DLGAP1: variants seen among roughly 807,000 people sequenced by gnomAD.
The protein encoded by DLGAP1 is DLG associated protein 1, also known as disks large-associated protein 1.
DLGAP1 carries 11 observed loss-of-function variants against 90.8 expected under a neutral mutation model. The observed-to-expected ratio is 0.12, with a 90% confidence interval of 0.08 to 0.20. The LOEUF (loss-of-function observed/expected upper bound fraction) is 0.20. Among genes scored for constraint, DLGAP1 ranks in the 10% least tolerant of loss-of-function variants. The probability of loss-of-function intolerance (pLI) is 1.00; values close to 1 mark genes in which losing one functional copy is unlikely to be tolerated. For missense variants in DLGAP1, 1,050 were observed against 1,333.8 expected, an observed-to-expected ratio of 0.79 and a Z score of 3.31; for synonymous variants, 558 against 540.7, an observed-to-expected ratio of 1.03 and a Z score of -0.44.
At chr18:3,502,733 A>G (rs1220517264) in intron 11 of DLGAP1, 88 bp from the exon 12 acceptor site, 5 of 1,447,532 alleles carry the variant, frequency 3.5e-6, no homozygotes, top group Admixed American at 4.6e-5. Flanking sequence ...TATTTCAAAC[A>G]ACATAAGGAG....
rs371204865 is a variant in DLGAP1 at position 3,508,671 on chromosome 18, G to A, written c.2480-10C>T. 6.2e-7 allele frequency: 1 copy of A among 1,605,676 alleles called. No homozygotes were observed. Among genetic ancestry groups the A allele is most frequent in the African/African-American group, 1.3e-5 (1 of 74,666 alleles). On this transcript the variant is annotated splice_polypyrimidine_tract_variant and intron_variant, in intron 10 of 12. Transcript: ENST00000315677. ...CGGATTTTTCCTAGAACTGGAAAGA[G>A]CAAACATACGAGAAATTTACACATC...
chr18:3,833,384 C>A (rs934171957), intron 4 of DLGAP1, among the ~76,000 whole-genome samples: 2 of 151,974 alleles, frequency 1.3e-5, no homozygotes, highest in African/African-American at 2.4e-5. Context: ...CAGGCACATG[C>A]CACCACGCCC....
At chr18:4,241,184 G>A (rs543963035) in intron 1 of DLGAP1, among the ~76,000 whole-genome samples, 17 of 152,278 alleles carry the variant, frequency 1.1e-4, no homozygotes, top group African/African-American at 4.1e-4. Context: ...TTATGTGGAT[G>A]AGACACGGCA....
intron 10 of DLGAP1, among the ~76,000 whole-genome samples, chr18:3,523,809 C>T (rs1431472317): frequency 2.0e-5 from 3 of 149,668 alleles, no homozygotes; most frequent in Non-Finnish European, 4.4e-5. Flanking sequence ...GATAGCGCCA[C>T]TGCACTCCAG....
At chr18:4,324,233 A>G (rs1028177483) in intron 1 of DLGAP1, among the ~76,000 whole-genome samples, 5 of 151,858 alleles carry the variant, frequency 3.3e-5, no homozygotes, top group Admixed American at 6.6e-5. Context: ...GACTACTATA[A>G]ACAGCTTTAT....
intron 2 of DLGAP1, among the ~76,000 whole-genome samples, chr18:4,007,820 C>T (rs1255807294): frequency 1.3e-5 from 2 of 152,156 alleles, no homozygotes; most frequent in Non-Finnish European, 2.9e-5. Flanking sequence ...ATTGTGCAAA[C>T]ACTATGGATC....
intron 1 of DLGAP1, among the ~76,000 whole-genome samples, chr18:4,290,334 T>G (rs2079814636): frequency 6.6e-6 from 1 of 152,198 alleles, no homozygotes. Context: ...CAGGTGCAAT[T>G]TAAAGAATAT....
intron 7 of DLGAP1, among the ~76,000 whole-genome samples, chr18:3,723,995 A>G (rs1206137989): frequency 6.6e-6 from 1 of 152,070 alleles, no homozygotes; most frequent in Non-Finnish European, 1.5e-5. Context: ...GAACAGTTCA[A>G]CTCCATCATT....
intron 1 of DLGAP1, among the ~76,000 whole-genome samples, chr18:4,169,442 C>A (rs1348174926): frequency 1.3e-5 from 2 of 152,082 alleles, no homozygotes; most frequent in Non-Finnish European, 1.5e-5. Flanking sequence ...TAATAAATGT[C>A]CATGTATTAG....
chr18:4,324,908 C>T (rs910927100), intron 1 of DLGAP1, among the ~76,000 whole-genome samples: 1 of 152,168 alleles, frequency 6.6e-6, no homozygotes, highest in Non-Finnish European at 1.5e-5. Flanking sequence ...CAGACAATAT[C>T]ATACTGAATG....
At chr18:3,963,407 T>C in intron 3 of DLGAP1, among the ~76,000 whole-genome samples, 1 of 152,160 alleles carries the variant, frequency 6.6e-6, no homozygotes, top group East Asian at 1.9e-4. Context: ...GACTCAAATG[T>C]GCATGAGGAT....
intron 7 of DLGAP1, among the ~76,000 whole-genome samples, chr18:3,682,438 T>G (rs2060553568): frequency 6.6e-6 from 1 of 152,228 alleles, no homozygotes; most frequent in Admixed American, 6.5e-5. Context: ...ACACATGGCC[T>G]TTTTGGAAAA....
intron 4 of DLGAP1, among the ~76,000 whole-genome samples, chr18:3,838,433 G>A (rs1407286425): frequency 3.3e-5 from 5 of 152,138 alleles, no homozygotes; most frequent in African/African-American, 9.7e-5. Flanking sequence ...GATAGTGCCT[G>A]GCATTGTCCC....
At chr18:4,053,157 T>C (rs1363081655) in intron 2 of DLGAP1, among the ~76,000 whole-genome samples, 1 of 152,242 alleles carries the variant, frequency 6.6e-6, no homozygotes. Context: ...TATTAATCTG[T>C]TCTCACACTG....
chr18:3,988,048 A>T (rs941670098), intron 3 of DLGAP1, among the ~76,000 whole-genome samples: 3 of 151,616 alleles, frequency 2.0e-5, no homozygotes, highest in African/African-American at 7.3e-5. Context: ...TAATTGTACA[A>T]CTCACCATAA....
At chr18:4,149,447 C>T (rs1442861749) in intron 2 of DLGAP1, among the ~76,000 whole-genome samples, 1 of 152,146 alleles carries the variant, frequency 6.6e-6, no homozygotes, top group Non-Finnish European at 1.5e-5. Flanking sequence ...AAAGGAGCTG[C>T]AACAGATGCG....
At chr18:4,313,642 A>C (rs1007884356) in intron 1 of DLGAP1, among the ~76,000 whole-genome samples, 1 of 152,202 alleles carries the variant, frequency 6.6e-6, no homozygotes, top group Non-Finnish European at 1.5e-5. Flanking sequence ...CTGGCTTAGC[A>C]GCATTTCTGA....
chr18:4,081,268 T>G lies in DLGAP1; in HGVS notation c.-159+69912A>C, dbSNP rs187763294. On this transcript the variant is annotated intron_variant, in intron 2 of 12. Transcript: ENST00000315677. The stretch of plus-strand genomic sequence containing the variant: ...CGGCGGAGGTTGTGGTGAGCCGAGA[T>G]TGTGCCATTGCACTCCAGCCTGGGC... Among the ~76,000 whole-genome samples, 1,435 of 151,394 alleles carry G rather than the reference T, an allele frequency of 9.5e-3. 12 individuals are homozygous for G. Among genetic ancestry groups the G allele is most frequent in the Non-Finnish European group, 0.015 (1,048 of 67,860 alleles).
intron 1 of DLGAP1, among the ~76,000 whole-genome samples, chr18:4,329,741 T>G (rs1262076311): frequency 6.6e-6 from 1 of 152,054 alleles, no homozygotes; most frequent in Non-Finnish European, 1.5e-5. Flanking sequence ...GCTTTCATGC[T>G]ATTATAAATT....
Sources: allele counts gnomAD v4.1 joint callset (sites outside exome capture counted in the v4.1 genomes callset), GRCh38; gene constraint gnomAD v4.1.1; transcripts MANE v1.5; gene names NCBI Gene and HGNC (gene_info 2026-07-23, HGNC 2026-07-21).